Variants in CALCOCO1 observed in about 807,000 individuals in gnomAD.
The protein encoded by CALCOCO1 is calcium-binding and coiled-coil domain-containing protein 1.
A neutral mutation model predicts 86.3 loss-of-function variants in CALCOCO1; 44 were observed. The observed-to-expected ratio is 0.51, with a 90% CI of 0.40 to 0.66. The LOEUF (loss-of-function observed/expected upper bound fraction) is 0.66. Among genes scored for constraint, CALCOCO1 ranks in the 30% least tolerant of loss-of-function variants. The pLI is 0.00. For synonymous variants in CALCOCO1, 297 were observed against 327.6 expected, an observed-to-expected ratio of 0.91 and a Z score of 1.01; for missense variants, 708 against 851.1, an observed-to-expected ratio of 0.83 and a Z score of 2.09.
chr12:53,723,808 G>C (rs10783596), intron 3 of CALCOCO1, 25 bp from the exon 4 acceptor site: 1 of 1,604,060 alleles, frequency 6.2e-7, no homozygotes, highest in Non-Finnish European at 8.5e-7. Flanking sequence ...ATGGACCCAG[G>C]ACCCCAATAA....
Position 53,714,648 on chromosome 12 carries a change from C to T in CALCOCO1, c.1432G>A (p.Ala478Thr), listed in dbSNP as rs775554804. The T allele has an allele frequency of 1.2e-6, 2 of 1,614,152 alleles. No homozygotes were observed. Among genetic ancestry groups the T allele is most frequent in the Non-Finnish European group, 1.7e-6 (2 of 1,180,018 alleles). The change falls in exon 11 of 15, where the codon GCC becomes ACC. Residue 478 changes from alanine to threonine, a missense_variant. Ala to Thr is a moderately conservative substitution (Grantham distance 58). Coordinates refer to ENST00000550804, the MANE Select transcript of CALCOCO1 (RefSeq NM_020898.3). ...TTTTCCTTCTGGAGCACACGCAGGGCTGACCGCAGCTCTGTCAGCTCCCGC... is the reference window on the plus strand; with the variant it reads ...TTTTCCTTCTGGAGCACACGCAGGGTTGACCGCAGCTCTGTCAGCTCCCGC... ...SKRELTELRS[A>T]LRVLQKEKEQ...
Position 53,711,510 on chromosome 12 carries a change from G to A in CALCOCO1, c.*434C>T. On this transcript the variant is annotated 3_prime_UTR_variant, in exon 15 of 15. Coordinates refer to ENST00000550804, the MANE Select transcript of CALCOCO1 (RefSeq NM_020898.3). ...TGTGCAGACCCCAGAGAAAACTCAGGTAAACCAACGGAAACTCCAAATAAG... is the reference window on the plus strand; with the variant it reads ...TGTGCAGACCCCAGAGAAAACTCAGATAAACCAACGGAAACTCCAAATAAG... The A allele has an allele frequency of 3.0e-6, 1 of 332,304 alleles. No homozygotes were observed. 20.6% of individuals were successfully genotyped at this position (332,304 alleles called of 1,614,324 possible).
In CALCOCO1 at chr12:53,708,759, A is replaced by G. The variant is rs1565637326; in HGVS notation, c.*3185T>C. The G allele has an allele frequency of 6.6e-6, 1 of 152,196 alleles. No homozygotes were observed. Among genetic ancestry groups the G allele is most frequent in the Non-Finnish European group, 1.5e-5 (1 of 68,038 alleles). The allele number at this position is 152,196 out of a possible 1,614,324, so 9.4% of individuals were successfully genotyped here. A position where few individuals can be genotyped will look rare whatever the true frequency, so the allele number is the denominator to read the frequency against. ...GTTTAGGGAGAATAAAAAGTTGTAAACACATGTAGCATCTTTTTATAAAGT... is the reference window on the plus strand; with the variant it reads ...GTTTAGGGAGAATAAAAAGTTGTAAGCACATGTAGCATCTTTTTATAAAGT... On this transcript the variant is annotated 3_prime_UTR_variant, in exon 15 of 15. Transcript: ENST00000550804.
chr12:53,722,250 C>T (rs1945894629), intron 4 of CALCOCO1, 67 bp from the exon 5 acceptor site: 2 of 1,579,998 alleles, frequency 1.3e-6, no homozygotes, highest in African/African-American at 2.7e-5. Context: ...CCATCCTCAC[C>T]ACTCTCCAGG....
In CALCOCO1 at chr12:53,727,395, G is replaced by C. The variant is rs934516640; in HGVS notation, c.-25+9C>G. 3.9e-5 allele frequency: 6 copies of C among 152,242 alleles called. No homozygotes were observed. Among genetic ancestry groups the C allele is most frequent in the Non-Finnish European group, 7.3e-5 (5 of 68,066 alleles). 9.4% of individuals were successfully genotyped at this position (152,242 alleles called of 1,614,324 possible). On this transcript the variant is annotated intron_variant, in intron 1 of 14. Transcript: ENST00000550804. ...ATAAGATCGCCCCCAATTAGGCCAA[G>C]TTTCTTACCCAACAGACGGATCAGC...
chr12:53,711,768 G>A lies in CALCOCO1; in HGVS notation c.*176C>T, dbSNP rs1565639014. On this transcript the variant is annotated 3_prime_UTR_variant, in exon 15 of 15. Transcript: ENST00000550804. ...TCCCTGGGACAAAAGAGCCAGGTAG[G>A]AGAGGATGAAGTGAGAAATCTTGGG... 1.9e-6 allele frequency: 1 copy of A among 537,048 alleles called. No homozygotes were observed. The highest frequency in any genetic ancestry group is 3.5e-5 in the East Asian group (1 of 28,340). The allele number at this position is 537,048 out of a possible 1,614,324, so 33.3% of individuals were successfully genotyped here. A position where few individuals can be genotyped will look rare whatever the true frequency, so the allele number is the denominator to read the frequency against.
intron 14 of CALCOCO1, 189 bp from the exon 15 acceptor site, chr12:53,712,310 G>A (rs1414248353): frequency 3.6e-5 from 21 of 577,968 alleles, no homozygotes; most frequent in Non-Finnish European, 5.8e-5. Flanking sequence ...AGTTCCCCAT[G>A]TCCTCTCTTC....
intron 13 of CALCOCO1, 41 bp downstream of exon 13, chr12:53,713,659 GC>G: frequency 6.8e-7 from 1 of 1,474,794 alleles, no homozygotes; most frequent in Non-Finnish European, 9.0e-7. Flanking sequence ...GTTTGGCCCT[GC>G]CCCTCCTTAC....
rs770109000 is a variant in CALCOCO1, at chr12:53,723,616, C to T, written c.427G>A (p.Val143Ile). Residue 143 changes from valine (V) to isoleucine (I), a missense_variant, in exon 4 of 15, where the codon GTC becomes ATC. By Grantham distance (29) the Val-to-Ile change is conservative. Transcript: ENST00000550804. Reference protein sequence around the residue: ...ADGGSDILLVVPKATVLQNQL... With the variant: ...ADGGSDILLVIPKATVLQNQL... ...ACCTGTAACACAGTTGCCTTGGGGA[C>T]AACCAGCAGGATGTCAGAGCCCCCA... is the stretch of plus-strand genomic sequence containing the variant. The T allele has an allele frequency of 1.9e-6, 3 of 1,614,218 alleles. No individual in the cohort carries two copies. The highest frequency in any genetic ancestry group is 3.3e-5 in the Admixed American group (2 of 60,030).
intron 1 of CALCOCO1, among the ~76,000 whole-genome samples, chr12:53,727,166 A>T (rs983479804): frequency 1.3e-5 from 2 of 152,056 alleles, no homozygotes; most frequent in Non-Finnish European, 2.9e-5. Context: ...CTTTATAGAG[A>T]CGCATTGAGA....
At chr12:53,717,909 C>T (rs1408695202) in intron 7 of CALCOCO1, among the ~76,000 whole-genome samples, 1 of 152,116 alleles carries the variant, frequency 6.6e-6, no homozygotes, top group Non-Finnish European at 1.5e-5. Context: ...CCTGTAATCC[C>T]AGCTACTCAG....
At position 53,711,340 on chromosome 12, in the gene CALCOCO1, C is replaced by CA. The variant is rs889484981; in HGVS notation, c.*603dup. On this transcript the variant is annotated 3_prime_UTR_variant, in exon 15 of 15. Coordinates refer to ENST00000550804, the MANE Select transcript of CALCOCO1 (RefSeq NM_020898.3). ...CAGAATACAGGAATCCTCAAAAATACAAAAAACCCCTCCAAACTGAATACC... is the reference window on the plus strand; with the variant it reads ...CAGAATACAGGAATCCTCAAAAATACAAAAAAACCCCTCCAAACTGAATACC... 1.3e-5 allele frequency: 5 copies of CA among 390,364 alleles called. No individual in the cohort carries two copies. The highest frequency in any genetic ancestry group is 4.2e-5 in the African/African-American group (2 of 48,092). 24.2% of individuals were successfully genotyped at this position (390,364 alleles called of 1,614,324 possible).
Position 53,711,418 on chromosome 12 carries a change from A to G in CALCOCO1, c.*526T>C. ...GCACAGAAGTCAATGGGGGAACAGAAAGAGGAACCAATGAAACTGAGAACC... is the reference window on the plus strand; with the variant it reads ...GCACAGAAGTCAATGGGGGAACAGAGAGAGGAACCAATGAAACTGAGAACC... On this transcript the variant is annotated 3_prime_UTR_variant, in exon 15 of 15. Transcript: ENST00000550804. The G allele has an allele frequency of 2.6e-6, 1 of 384,558 alleles. No individual in the cohort carries two copies. The allele number at this position is 384,558 out of a possible 1,614,324, so 23.8% of individuals were successfully genotyped here. A position where few individuals can be genotyped will look rare whatever the true frequency, so the allele number is the denominator to read the frequency against.
At chr12:53,723,523 G>A in intron 4 of CALCOCO1, 70 bp downstream of exon 4, 1 of 1,529,042 alleles carries the variant, frequency 6.5e-7, no homozygotes, top group Non-Finnish European at 9.1e-7. Flanking sequence ...AGGGTAAGGT[G>A]GGAAGGGTCC....
intron 7 of CALCOCO1, among the ~76,000 whole-genome samples, chr12:53,718,044 A>G (rs539182349): frequency 5.9e-5 from 9 of 152,268 alleles, no homozygotes; most frequent in African/African-American, 1.9e-4. Flanking sequence ...AAACAAAACA[A>G]ATAAAACCCA....
intron 14 of CALCOCO1, chr12:53,712,629 C>T (rs984562057): frequency 1.5e-5 from 5 of 329,946 alleles, no homozygotes; most frequent in African/African-American, 8.6e-5. Context: ...AGGTTCCCTT[C>T]CCTAAGGGTT....
At position 53,722,182 on chromosome 12, in the gene CALCOCO1, T is replaced by C. The variant is rs750050588; in HGVS notation, c.452A>G (p.Asn151Ser). Residue 151 changes from asparagine to serine, a missense_variant and splice_region_variant, in exon 5 of 15, where the codon AAC becomes AGC. Transcript: ENST00000550804. ...LVVPKATVLQ[N>S]QLDESQQERN... ...TTCTTGCTGGCTCTCATCGAGCTGGTTCTACAGGCAGCAGAAGGAGAAGGG... is the reference window on the plus strand; with the variant it reads ...TTCTTGCTGGCTCTCATCGAGCTGGCTCTACAGGCAGCAGAAGGAGAAGGG... 2 of 1,612,800 alleles carry C rather than the reference T, an allele frequency of 1.2e-6. No individual in the cohort carries two copies. Among genetic ancestry groups the C allele is most frequent in the African/African-American group, 1.3e-5 (1 of 75,026 alleles).
At chr12:53,712,716 T>A in intron 14 of CALCOCO1, 1 of 960,316 alleles carries the variant, frequency 1.0e-6, no homozygotes, top group Non-Finnish European at 1.4e-6. Context: ...TTCTCTCTGC[T>A]CCTATCCCTG....
intron 6 of CALCOCO1, among the ~76,000 whole-genome samples, chr12:53,721,180 C>T (rs183790155): frequency 5.8e-4 from 89 of 152,362 alleles, no homozygotes; most frequent in African/African-American, 2.1e-3. Flanking sequence ...TGACTTCCAT[C>T]CATTCTCTTC....
Sources: gnomAD v4.1 joint callset for allele counts (sites outside exome capture counted in the v4.1 genomes callset) on GRCh38, gnomAD v4.1.1 for gene constraint, MANE v1.5 for transcripts, NCBI Gene and HGNC (gene_info 2026-07-23, HGNC 2026-07-21) for gene names.